The following SPOCK1 variants were observed in gnomAD, a reference collection of about 807,000 sequenced individuals.
SPOCK1 encodes testican-1.
In SPOCK1, 23 loss-of-function variants were observed where a neutral mutation model predicts 55.3. The ratio of observed to expected loss-of-function variants is 0.42; its 90% CI spans 0.30 to 0.59. The LOEUF (loss-of-function observed/expected upper bound fraction) is 0.59, where lower values mean the gene tolerates loss of function less well. SPOCK1 is among the 20% of genes least tolerant of loss of function. SPOCK1 has a pLI of 0.22. For synonymous variants in SPOCK1, 226 were observed against 221.0 expected (o/e 1.02, Z -0.20); for missense variants, 499 against 552.5 (o/e 0.90, Z 0.97).
Position 137,128,786 on chromosome 5 carries a change from C to A in SPOCK1, c.347+11794G>T, listed in dbSNP as rs181559749. Among the ~76,000 whole-genome samples the A allele has an allele frequency of 1.2e-4, 19 of 152,306 alleles. No individual in the cohort carries two copies. In the East Asian group the frequency reaches 3.5e-3, roughly 28 times the overall value. ...GTAATGCTCCTTATCTGAGTTCAAC[C>A]CTCCCCCAACCCCAACTGTAGCTGG... On this transcript the variant is annotated intron_variant, in intron 4 of 10. Transcript: ENST00000394945.
At chr5:137,307,450 A>G (rs1757717143) in intron 2 of SPOCK1, among the ~76,000 whole-genome samples, 1 of 152,198 alleles carries the variant, frequency 6.6e-6, no homozygotes, top group South Asian at 2.1e-4. Flanking sequence ...CCACACCATC[A>G]TGAGCCAATT....
intron 2 of SPOCK1, among the ~76,000 whole-genome samples, chr5:137,374,823 G>A (rs936064526): frequency 2.0e-5 from 3 of 152,116 alleles, no homozygotes; most frequent in African/African-American, 7.2e-5. Flanking sequence ...GATAAGGAAA[G>A]TGAGGTTAAG....
At chr5:137,043,199 A>T (rs1012532297) in intron 6 of SPOCK1, among the ~76,000 whole-genome samples, 13 of 152,204 alleles carry the variant, frequency 8.5e-5, no homozygotes, top group Admixed American at 3.9e-4. Context: ...AAGCTGGAAC[A>T]ATTTGAAATG....
chr5:137,140,237 C>T (rs1169431237), intron 4 of SPOCK1, among the ~76,000 whole-genome samples: 1 of 152,178 alleles, frequency 6.6e-6, no homozygotes, highest in Non-Finnish European at 1.5e-5. Context: ...CACTTGGCCC[C>T]TGCTTTCTTA....
chr5:137,172,378 G>T (rs1754769198), intron 3 of SPOCK1, among the ~76,000 whole-genome samples: 1 of 152,114 alleles, frequency 6.6e-6, no homozygotes, highest in Admixed American at 6.5e-5. Flanking sequence ...TAATAGACAG[G>T]GCTTGATATG....
At chr5:137,399,833 T>C (rs1362541842) in intron 2 of SPOCK1, among the ~76,000 whole-genome samples, 1 of 152,172 alleles carries the variant, frequency 6.6e-6, no homozygotes, top group East Asian at 1.9e-4. Flanking sequence ...GTTCAACCAC[T>C]ATACCTTAAC....
chr5:137,245,638 G>A (rs924986024), intron 3 of SPOCK1, among the ~76,000 whole-genome samples: 1 of 152,130 alleles, frequency 6.6e-6, no homozygotes, highest in Non-Finnish European at 1.5e-5. Flanking sequence ...GGTGCACAGA[G>A]CATTCTGGAA....
intron 2 of SPOCK1, among the ~76,000 whole-genome samples, chr5:137,464,301 C>A (rs1753553613): frequency 6.6e-6 from 1 of 151,948 alleles, no homozygotes; most frequent in Non-Finnish European, 1.5e-5. Flanking sequence ...GATCTTGTCT[C>A]AAATAAATAA....
At chr5:137,420,643 T>TC (rs2149825519) in intron 2 of SPOCK1, among the ~76,000 whole-genome samples, 1 of 152,244 alleles carries the variant, frequency 6.6e-6, no homozygotes, top group Admixed American at 6.5e-5. Context: ...AGTCGTGATA[T>TC]CCCCTTTATC....
intron 2 of SPOCK1, among the ~76,000 whole-genome samples, chr5:137,316,868 G>A (rs745935974): frequency 4.6e-5 from 7 of 152,254 alleles, no homozygotes; most frequent in Admixed American, 1.3e-4. Flanking sequence ...GCGTGGGCCC[G>A]CTCTGTGCCC....
intron 2 of SPOCK1, among the ~76,000 whole-genome samples, chr5:137,272,112 A>G (rs1228541265): frequency 6.6e-6 from 1 of 152,240 alleles, no homozygotes; most frequent in Non-Finnish European, 1.5e-5. Flanking sequence ...AAGGCTAAGT[A>G]GATCAGAACT....
At chr5:137,165,176 G>C (rs1754623741) in intron 3 of SPOCK1, among the ~76,000 whole-genome samples, 1 of 152,182 alleles carries the variant, frequency 6.6e-6, no homozygotes, top group East Asian at 1.9e-4. Context: ...TGGCCACAAG[G>C]ATGTTTGTGT....
intron 2 of SPOCK1, among the ~76,000 whole-genome samples, chr5:137,313,007 G>A (rs984726115): frequency 3.3e-5 from 5 of 152,164 alleles, no homozygotes; most frequent in Admixed American, 3.3e-4. Context: ...CCAACCAGGA[G>A]TATCCTGGGT....
chr5:137,183,883 T>C (rs1398149737), intron 3 of SPOCK1, among the ~76,000 whole-genome samples: 1 of 152,224 alleles, frequency 6.6e-6, no homozygotes, highest in Non-Finnish European at 1.5e-5. Context: ...GATGACTTGC[T>C]TAAAGTCACC....
At chr5:137,463,597 G>A (rs1275758762) in intron 2 of SPOCK1, among the ~76,000 whole-genome samples, 3 of 152,156 alleles carry the variant, frequency 2.0e-5, no homozygotes, top group African/African-American at 7.2e-5. Flanking sequence ...ATAAGACCTA[G>A]TATTTGATAG....
chr5:137,328,042 C>T (rs1025922957), intron 2 of SPOCK1, among the ~76,000 whole-genome samples: 7 of 152,236 alleles, frequency 4.6e-5, no homozygotes, highest in Non-Finnish European at 7.3e-5. Flanking sequence ...AGCAGCAGCT[C>T]ATCACAGCCT....
intron 3 of SPOCK1, among the ~76,000 whole-genome samples, chr5:137,230,058 G>C (rs749481389): frequency 1.3e-5 from 2 of 152,180 alleles, no homozygotes; most frequent in Admixed American, 6.5e-5. Context: ...CTTAACAAAA[G>C]GGGCCAGTCA....
rs115968589 is a variant in SPOCK1 at position 137,164,316 on chromosome 5, G to A, written c.233-23622C>T. Among the ~76,000 whole-genome samples, 851 of 152,184 alleles carry A rather than the reference G, an allele frequency of 5.6e-3. 8 individuals are homozygous for A. The highest frequency in any genetic ancestry group is 0.02 in the African/African-American group (820 of 41,526). On this transcript the variant is annotated intron_variant, in intron 3 of 10. Transcript: ENST00000394945. The stretch of plus-strand genomic sequence containing the variant: ...CTCCAATTCCAGGCTGTAGCTCTTG[G>A]ACGACACTTCTAGACACACCATGGG...
At chr5:137,269,848 C>T (rs548114391) in intron 2 of SPOCK1, among the ~76,000 whole-genome samples, 7 of 152,174 alleles carry the variant, frequency 4.6e-5, no homozygotes, top group South Asian at 2.1e-4. Context: ...CCTGAACCAA[C>T]ACCCTACCAA....
Sources: allele counts gnomAD v4.1 joint callset (sites outside exome capture counted in the v4.1 genomes callset), GRCh38; gene constraint gnomAD v4.1.1; transcripts MANE v1.5; gene names NCBI Gene and HGNC (gene_info 2026-07-23, HGNC 2026-07-21).